Variants in AGBL4 observed in about 807,000 individuals in gnomAD.
AGBL4 encodes cytosolic carboxypeptidase 6.
AGBL4 carries 58 observed loss-of-function variants against 66.4 expected under a neutral mutation model. The ratio of observed to expected loss-of-function variants is 0.87; its 90% CI spans 0.71 to 1.09. The LOEUF is 1.09. Ranked by LOEUF, AGBL4 falls within the 50% of genes least tolerant of loss-of-function variation. The pLI is 0.00. For missense variants in AGBL4, 579 were observed against 631.0 expected (o/e 0.92, Z 0.88); for synonymous variants, 234 against 222.9 (o/e 1.05, Z -0.44).
chr1:49,959,816 T>G (rs1480134928), intron 1 of AGBL4, among the ~76,000 whole-genome samples: 1 of 151,946 alleles, frequency 6.6e-6, no homozygotes, highest in Non-Finnish European at 1.5e-5. Context: ...ATAAAGAAAA[T>G]GTGGTACATA....
chr1:48,854,758 GTGATAAAAAAT>G (rs1558042073), intron 6 of AGBL4, among the ~76,000 whole-genome samples: 1 of 152,172 alleles, frequency 6.6e-6, no homozygotes, highest in Non-Finnish European at 1.5e-5. Flanking sequence ...AGAATGAGAA[GTGATAAAAAAT>G]TCTGCTAGGA....
intron 11 of AGBL4, among the ~76,000 whole-genome samples, chr1:48,579,551 T>C (rs1644705272): frequency 6.6e-6 from 1 of 151,216 alleles, no homozygotes; most frequent in African/African-American, 2.4e-5. Context: ...CCATATTGTT[T>C]TCGAATCAAG....
At chr1:49,977,973 C>T (rs1658714622) in intron 1 of AGBL4, among the ~76,000 whole-genome samples, 1 of 152,108 alleles carries the variant, frequency 6.6e-6, no homozygotes, top group Non-Finnish European at 1.5e-5. Context: ...TGGTACATAT[C>T]CTTAAGCAAC....
intron 4 of AGBL4, among the ~76,000 whole-genome samples, chr1:49,134,837 T>C (rs1024665823): frequency 2.0e-5 from 3 of 152,042 alleles, no homozygotes; most frequent in African/African-American, 7.2e-5. Flanking sequence ...TCATAGAAAT[T>C]ATAAGAGTAT....
chr1:49,031,623 A>T (rs7554550), intron 5 of AGBL4, among the ~76,000 whole-genome samples: 66,633 of 151,892 alleles, frequency 0.44, 16,869 homozygotes, highest in Non-Finnish European at 0.58. Flanking sequence ...TCAAAAAAAG[A>T]TATATAGATG....
chr1:48,636,857 C>T (rs1356200693), intron 8 of AGBL4, among the ~76,000 whole-genome samples: 1 of 152,164 alleles, frequency 6.6e-6, no homozygotes, highest in Admixed American at 6.5e-5. Context: ...AGCAAGCTCT[C>T]TGCTTTTGAG....
intron 3 of AGBL4, among the ~76,000 whole-genome samples, chr1:49,480,950 T>C (rs989393374): frequency 6.6e-6 from 1 of 152,002 alleles, no homozygotes; most frequent in Non-Finnish European, 1.5e-5. Flanking sequence ...TACTTGTAGG[T>C]ATGTGGCCTT....
At chr1:48,956,923 T>A (rs1430946374) in intron 5 of AGBL4, among the ~76,000 whole-genome samples, 1 of 152,218 alleles carries the variant, frequency 6.6e-6, no homozygotes, top group African/African-American at 2.4e-5. Context: ...TATCTAAATT[T>A]GTAAATATTT....
intron 7 of AGBL4, among the ~76,000 whole-genome samples, chr1:48,662,740 T>C (rs1646128127): frequency 6.6e-6 from 1 of 152,304 alleles, no homozygotes; most frequent in African/African-American, 2.4e-5. Flanking sequence ...AGTGAAGAGA[T>C]AGTTTTCAGT....
chr1:49,964,330 A>G (rs1476010564), intron 1 of AGBL4, among the ~76,000 whole-genome samples: 3 of 152,290 alleles, frequency 2.0e-5, no homozygotes, highest in Admixed American at 6.5e-5. Flanking sequence ...ATACTCATCT[A>G]TAAAATGGAA....
At chr1:49,926,427 T>C (rs1369747995) in intron 1 of AGBL4, among the ~76,000 whole-genome samples, 1 of 151,684 alleles carries the variant, frequency 6.6e-6, no homozygotes, top group Non-Finnish European at 1.5e-5. Flanking sequence ...AAAGGAGGAG[T>C]ACAAATAAGC....
chr1:48,675,133 T>C (rs947892939), intron 6 of AGBL4, among the ~76,000 whole-genome samples: 1 of 152,186 alleles, frequency 6.6e-6, no homozygotes. Context: ...TACTAGGTAC[T>C]GTGTGAAACA....
chr1:49,672,181 G>C (rs1221180603), intron 3 of AGBL4, among the ~76,000 whole-genome samples: 2 of 152,136 alleles, frequency 1.3e-5, no homozygotes, highest in African/African-American at 2.4e-5. Context: ...CATGTCTTCT[G>C]CAAGAACATG....
intron 3 of AGBL4, among the ~76,000 whole-genome samples, chr1:49,543,893 C>G (rs950443960): frequency 1.3e-5 from 2 of 152,122 alleles, no homozygotes; most frequent in Non-Finnish European, 2.9e-5. Flanking sequence ...AGAAGTTCAG[C>G]CCTGGAAAAA....
At chr1:49,414,561 T>C (rs1021124098) in intron 3 of AGBL4, among the ~76,000 whole-genome samples, 1 of 152,176 alleles carries the variant, frequency 6.6e-6, no homozygotes, top group Admixed American at 6.5e-5. Context: ...ACGGGCCTAC[T>C]GCTTAAAACT....
intron 6 of AGBL4, among the ~76,000 whole-genome samples, chr1:48,766,803 C>T (rs917937624): frequency 2.3e-4 from 35 of 152,148 alleles, no homozygotes; most frequent in Non-Finnish European, 3.7e-4. Flanking sequence ...GAGTGAGGGT[C>T]GGGAAGTCCC....
Position 49,557,542 on chromosome 1 carries a change from G to T in AGBL4, c.282+139771C>A, listed in dbSNP as rs578032927. ...CCTCTTAGAGCAGAAAGGAAAACTG[G>T]ACCAAACTCAGCTGATATCTGCCCA... On this transcript the variant is annotated intron_variant, in intron 3 of 13. Transcript: ENST00000371839. Among the ~76,000 whole-genome samples the T allele has an allele frequency of 1.7e-4, 26 of 152,150 alleles. No individual in the cohort carries two copies. In the East Asian group the frequency reaches 4.5e-3, roughly 26 times the overall value.
At chr1:48,611,422 C>T (rs972058720) in intron 9 of AGBL4, among the ~76,000 whole-genome samples, 9 of 152,238 alleles carry the variant, frequency 5.9e-5, no homozygotes, top group Non-Finnish European at 1.2e-4. Context: ...TCCCTGGGTA[C>T]AAGAGCTGCC....
chr1:49,201,530 T>C (rs1387829068), intron 4 of AGBL4, among the ~76,000 whole-genome samples: 1 of 152,190 alleles, frequency 6.6e-6, no homozygotes, highest in Non-Finnish European at 1.5e-5. Context: ...TAAAGCTTAA[T>C]GCAATTTCTT....
Sources: gnomAD v4.1 joint callset for allele counts (sites outside exome capture counted in the v4.1 genomes callset) on GRCh38, gnomAD v4.1.1 for gene constraint, MANE v1.5 for transcripts, NCBI Gene and HGNC (gene_info 2026-07-23, HGNC 2026-07-21) for gene names.